Variants in ZSWIM9 observed in about 807,000 individuals in gnomAD.
ZSWIM9 encodes uncharacterized protein ZSWIM9.
Under a neutral mutation model 25.0 loss-of-function variants are expected in ZSWIM9, and 11 were observed. That is an observed-to-expected ratio of 0.44 (90% CI 0.28 to 0.73). The LOEUF (loss-of-function observed/expected upper bound fraction) is 0.73. Ranked by LOEUF, ZSWIM9 falls within the 30% of genes least tolerant of loss-of-function variation. The pLI, the probability that ZSWIM9 is intolerant of heterozygous loss-of-function variation, is 0.16. For synonymous variants in ZSWIM9, 562 were observed against 582.1 expected (o/e 0.97, Z 0.50); for missense variants, 1,070 against 1,296.5 (o/e 0.83, Z 2.68).
intron 2 of ZSWIM9, chr19:48,180,728 GTTTTCTTTTTCTTT>G (rs1479390722): frequency 6.7e-6 from 1 of 150,270 alleles, no homozygotes; most frequent in Non-Finnish European, 1.5e-5. Flanking sequence ...GAAACAAAGA[GTTTTCTTTTTCTTT>G]TTTTCTTTTT....
chr19:48,172,117 G>T, intron 2 of ZSWIM9, 40 bp downstream of exon 2: 3 of 1,162,408 alleles, frequency 2.6e-6, no homozygotes, highest in South Asian at 1.4e-5. Flanking sequence ...GGGGGAAGGG[G>T]AGCACCGGGG....
intron 3 of ZSWIM9, among the ~76,000 whole-genome samples, chr19:48,192,471 A>ATG (rs1568582371): frequency 5.5e-5 from 2 of 36,352 alleles, no homozygotes; most frequent in African/African-American, 1.9e-4. Context: ...AAAAAAAAAA[A>ATG]AAAAAAAAAA....
intron 2 of ZSWIM9, among the ~76,000 whole-genome samples, chr19:48,177,609 A>G (rs1306707991): frequency 1.3e-5 from 2 of 152,192 alleles, no homozygotes; most frequent in Non-Finnish European, 2.9e-5. Context: ...GAGATGCCCT[A>G]TTCTCTGGCA....
Position 48,171,873 on chromosome 19 carries a change from T to A in ZSWIM9, c.71T>A (p.Phe24Tyr). The A allele has an allele frequency of 6.5e-7, 1 of 1,535,524 alleles. No individual in the cohort carries two copies. Among genetic ancestry groups the A allele is most frequent in the Non-Finnish European group, 8.7e-7 (1 of 1,146,638 alleles). Reference protein sequence around the residue: ...QEEQELRERAFFSWAEFSRFF... With the variant: ...QEEQELRERAYFSWAEFSRFF... The stretch of plus-strand genomic sequence containing the variant: ...GAGCAGGAGCTGCGGGAGCGGGCCT[T>A]CTTCTCGTGGGCCGAGTTCAGCCGC... The change falls in exon 2 of 4, where the codon TTC becomes TAC. Residue 24 changes from phenylalanine (F) to tyrosine (Y), a missense_variant. Phe to Tyr is a conservative substitution (Grantham distance 22). Transcript: ENST00000614654.
intron 3 of ZSWIM9, among the ~76,000 whole-genome samples, chr19:48,192,839 G>A (rs918426988): frequency 3.3e-5 from 5 of 152,064 alleles, no homozygotes; most frequent in Non-Finnish European, 5.9e-5. Context: ...CACACAAGGC[G>A]ACCCCATCAG....
chr19:48,178,001 G>A (rs369329184), intron 2 of ZSWIM9, among the ~76,000 whole-genome samples: 2 of 152,164 alleles, frequency 1.3e-5, no homozygotes, highest in Admixed American at 6.5e-5. Flanking sequence ...AGGTTCAAGC[G>A]ATTCTCCTGG....
chr19:48,172,123 C>CCCG, intron 2 of ZSWIM9, 46 bp downstream of exon 2: 1 of 374,660 alleles, frequency 2.7e-6, no homozygotes, highest in Non-Finnish European at 4.5e-6. Flanking sequence ...AGGGGAGCAC[C>CCCG]GGGGGTGGGT....
At chr19:48,184,149 C>T (rs1599928077) in intron 3 of ZSWIM9, among the ~76,000 whole-genome samples, 2 of 151,834 alleles carry the variant, frequency 1.3e-5, no homozygotes, top group South Asian at 2.1e-4. Flanking sequence ...GGGCCTGGAG[C>T]GGGACAGTTC....
chr19:48,195,229 G>A lies in ZSWIM9; in HGVS notation c.1165G>A (p.Val389Ile). The change falls in exon 4 of 4, where the codon GTC becomes ATC. Residue 389 changes from valine (V) to isoleucine (I), a missense_variant. Around this residue, in one of 4 missense-constraint regions of ZSWIM9, gnomAD observed 184 missense variants for 243.1 expected, o/e 0.76. Transcript: ENST00000614654. The surrounding 1 kb of genome is among the most constrained non-coding windows in gnomAD (Gnocchi z 5.8). ...RNWEPRRDMW[V>I]RFRAFEAARD... ...CTGGGAGCCCCGCCGCGACATGTGGGTCCGCTTCCGCGCCTTCGAGGCGGC... is the reference window on the plus strand; with the variant it reads ...CTGGGAGCCCCGCCGCGACATGTGGATCCGCTTCCGCGCCTTCGAGGCGGC... 1 of 1,528,738 alleles carries A rather than the reference G, an allele frequency of 6.5e-7. No individual in the cohort carries two copies. The highest frequency in any genetic ancestry group is 8.8e-7 in the Non-Finnish European group (1 of 1,142,802). 94.7% of individuals were successfully genotyped at this position (1,528,738 alleles called of 1,614,324 possible). A position where few individuals can be genotyped will look rare whatever the true frequency, so the allele number is the denominator to read the frequency against.
At position 48,196,678 on chromosome 19, in the gene ZSWIM9, G is replaced by A; in HGVS notation, c.2614G>A (p.Asp872Asn). 9.7e-6 allele frequency: 12 copies of A among 1,232,850 alleles called. No homozygotes were observed. The highest frequency in any genetic ancestry group is 1.2e-5 in the Non-Finnish European group (12 of 988,536). 76.4% of individuals were successfully genotyped at this position (1,232,850 alleles called of 1,614,324 possible). A position where few individuals can be genotyped will look rare whatever the true frequency, so the allele number is the denominator to read the frequency against. ...GGACGGCACCTCGGACTTCTTCCTGGATGGGGCCCTGACACGCTGCAGCTG... is the reference window on the plus strand; with the variant it reads ...GGACGGCACCTCGGACTTCTTCCTGAATGGGGCCCTGACACGCTGCAGCTG... ...LKDGTSDFFL[D>N]GALTRCSCSI... The change falls in exon 4 of 4, where the codon GAT (aspartate) becomes AAT (asparagine). Residue 872 changes from aspartate to asparagine, a missense_variant. Asp to Asn is a conservative substitution (Grantham distance 23). This residue lies in a region of ZSWIM9 where 583 missense variants were observed against 624.7 expected (regional missense o/e 0.93). Transcript: ENST00000614654.
chr19:48,196,455 A>G lies in ZSWIM9; in HGVS notation c.2391A>G (p.Glu797=), dbSNP rs1316223561. The G allele has an allele frequency of 1.6e-5, 20 of 1,232,438 alleles. No homozygotes were observed. The South Asian group carries it at 3.7e-4, about 23-fold the overall frequency. 76.3% of individuals were successfully genotyped at this position (1,232,438 alleles called of 1,614,324 possible). The change falls in exon 4 of 4, where the codon GAA becomes GAG. Residue 797 remains glutamate, a synonymous_variant. Coordinates refer to ENST00000614654, the MANE Select transcript of ZSWIM9 (RefSeq NM_199341.4). ...EHLAAGDGLQ[E]GGEDGPREPK... Reference sequence around the variant, plus strand: ...TGGCTGCAGGTGACGGCCTGCAGGAAGGAGGCGAAGATGGCCCCAGGGAAC... The same window carrying G: ...TGGCTGCAGGTGACGGCCTGCAGGAGGGAGGCGAAGATGGCCCCAGGGAAC...
At chr19:48,172,135 T>TGCCGGGGGGGG in intron 2 of ZSWIM9, 58 bp downstream of exon 2, 1 of 386,926 alleles carries the variant, frequency 2.6e-6, no homozygotes, top group Non-Finnish European at 4.5e-6. Context: ...GGGGTGGGTG[T>TGCCGGGGGGGG]GGGTGGGAGA....
At chr19:48,175,971 C>G (rs1373112256) in intron 2 of ZSWIM9, among the ~76,000 whole-genome samples, 2 of 152,236 alleles carry the variant, frequency 1.3e-5, no homozygotes, top group Admixed American at 1.3e-4. Context: ...TTTGGGAGGC[C>G]GAGGCGGGCA....
chr19:48,197,376 G>T lies in ZSWIM9; in HGVS notation c.*549G>T. On this transcript the variant is annotated 3_prime_UTR_variant, in exon 4 of 4. Coordinates refer to ENST00000614654, the MANE Select transcript of ZSWIM9 (RefSeq NM_199341.4). The stretch of plus-strand genomic sequence containing the variant: ...AAGCTGGGGGAAGCAGGAGAGGAAG[G>T]GACGGGATGTAGGAGGGGGAAGAAA... The T allele has an allele frequency of 1.5e-6, 1 of 676,694 alleles. No individual in the cohort carries two copies. The highest frequency in any genetic ancestry group is 2.7e-6 in the Non-Finnish European group (1 of 372,660). The allele number at this position is 676,694 out of a possible 1,614,324, so 41.9% of individuals were successfully genotyped here. A position where few individuals can be genotyped will look rare whatever the true frequency, so the allele number is the denominator to read the frequency against.
chr19:48,171,484 A>T, intron 1 of ZSWIM9: 1 of 756,460 alleles, frequency 1.3e-6, no homozygotes. Context: ...TCTGAGCTTA[A>T]GGGTCGTATT....
chr19:48,171,731 T>C (rs1285118843), intron 1 of ZSWIM9, 63 bp from the exon 2 acceptor site: 7 of 1,436,128 alleles, frequency 4.9e-6, no homozygotes, highest in African/African-American at 4.3e-5. Flanking sequence ...AAGAATGGAG[T>C]AGATGAGATA....
chr19:48,183,284 C>T (rs770485309), intron 3 of ZSWIM9, among the ~76,000 whole-genome samples: 3 of 152,000 alleles, frequency 2.0e-5, no homozygotes, highest in African/African-American at 7.3e-5. Flanking sequence ...CGTGCCACCA[C>T]GCCGGCTAAT....
intron 3 of ZSWIM9, chr19:48,189,575 CA>C (rs996217325): frequency 1.1e-4 from 16 of 148,518 alleles, no homozygotes; most frequent in Middle Eastern, 5.3e-4. Context: ...CCTAAACAAA[CA>C]AAAAAAAAAG....
intron 3 of ZSWIM9, among the ~76,000 whole-genome samples, chr19:48,191,530 T>G (rs2037094653): frequency 6.6e-6 from 1 of 152,116 alleles, no homozygotes; most frequent in Non-Finnish European, 1.5e-5. Context: ...ATTCCTTCAA[T>G]TTTTTCTTTG....
Sources: allele counts gnomAD v4.1 joint callset (sites outside exome capture counted in the v4.1 genomes callset), GRCh38; gene constraint gnomAD v4.1.1; regional missense constraint gnomAD v4.1.1; non-coding constraint Gnocchi (gnomAD v3.1); transcripts MANE v1.5; gene names NCBI Gene and HGNC (gene_info 2026-07-23, HGNC 2026-07-21).